The following KCND2 variants were observed in gnomAD, a reference collection of about 807,000 sequenced individuals.
The protein encoded by KCND2 is A-type voltage-gated potassium channel KCND2.
A neutral mutation model predicts 54.4 loss-of-function variants in KCND2; 16 were observed. The observed-to-expected ratio is 0.29, with a 90% CI of 0.20 to 0.45. KCND2 has a LOEUF of 0.45. Ranked by LOEUF, KCND2 falls within the 20% of genes least tolerant of loss-of-function variation. The pLI is 1.00. For missense variants in KCND2, 486 were observed against 824.2 expected, an observed-to-expected ratio of 0.59 and a Z score of 5.02; for synonymous variants, 317 against 310.7, an observed-to-expected ratio of 1.02 and a Z score of -0.21.
intron 1 of KCND2, among the ~76,000 whole-genome samples, chr7:120,388,884 A>G (rs972779380): frequency 1.3e-5 from 1 of 76,276 alleles, no homozygotes; most frequent in African/African-American, 3.0e-5. Context: ...TCATTTATAT[A>G]TACATGTATA....
intron 1 of KCND2, among the ~76,000 whole-genome samples, chr7:120,678,590 CACAT>C (rs1263403596): frequency 1.4e-5 from 2 of 147,280 alleles, no homozygotes; most frequent in African/African-American, 4.9e-5. Flanking sequence ...GTTCATTACA[CACAT>C]ATATATACAC....
chr7:120,694,201 T>A (rs73423784), intron 1 of KCND2, among the ~76,000 whole-genome samples: 13,530 of 152,254 alleles, frequency 0.089, 792 homozygotes, highest in African/African-American at 0.14. Context: ...ATTGTCTTCA[T>A]TTCCCAGAAT....
intron 1 of KCND2, among the ~76,000 whole-genome samples, chr7:120,292,907 C>G (rs751847929): frequency 1.9e-4 from 29 of 151,842 alleles, no homozygotes; most frequent in Admixed American, 8.6e-4. Context: ...AATTTCAAGT[C>G]CTCTGAAGCT....
At chr7:120,704,595 T>C (rs1325068246) in intron 1 of KCND2, among the ~76,000 whole-genome samples, 1 of 152,180 alleles carries the variant, frequency 6.6e-6, no homozygotes, top group East Asian at 1.9e-4. Flanking sequence ...GCTATAATCA[T>C]TTGCAGATAG....
At chr7:120,641,402 C>T (rs1029159334) in intron 1 of KCND2, among the ~76,000 whole-genome samples, 1 of 152,156 alleles carries the variant, frequency 6.6e-6, no homozygotes, top group African/African-American at 2.4e-5. Context: ...GCCAAGCCTT[C>T]CCCTCCCCGG....
intron 1 of KCND2, among the ~76,000 whole-genome samples, chr7:120,478,915 C>T (rs1040792884): frequency 2.0e-5 from 3 of 151,980 alleles, no homozygotes; most frequent in African/African-American, 7.2e-5. Flanking sequence ...TAACATTTTC[C>T]CTTGATTATG....
At chr7:120,633,211 A>C (rs1194087454) in intron 1 of KCND2, among the ~76,000 whole-genome samples, 1 of 152,198 alleles carries the variant, frequency 6.6e-6, no homozygotes, top group Admixed American at 6.5e-5. Context: ...TGCTTTTGTA[A>C]CCAATTGCTC....
At chr7:120,346,705 C>T (rs957640161) in intron 1 of KCND2, among the ~76,000 whole-genome samples, 1 of 151,564 alleles carries the variant, frequency 6.6e-6, no homozygotes, top group Non-Finnish European at 1.5e-5. Flanking sequence ...CTCTCTTTCT[C>T]CTCTTCTCTC....
At chr7:120,407,719 A>T (rs1370373036) in intron 1 of KCND2, among the ~76,000 whole-genome samples, 1 of 150,420 alleles carries the variant, frequency 6.6e-6, no homozygotes, top group Non-Finnish European at 1.5e-5. Context: ...ATAATATAAA[A>T]ATATAATAAT....
chr7:120,690,729 A>G (rs1209264632), intron 1 of KCND2, among the ~76,000 whole-genome samples: 1 of 152,224 alleles, frequency 6.6e-6, no homozygotes, highest in Non-Finnish European at 1.5e-5. Flanking sequence ...GACCACTTCC[A>G]TGTGCTAAGC....
chr7:120,511,338 A>G (rs756440178), intron 1 of KCND2, among the ~76,000 whole-genome samples: 10 of 151,988 alleles, frequency 6.6e-5, no homozygotes, highest in Non-Finnish European at 1.0e-4. Context: ...TCTACATTAA[A>G]TTGCTCATTT....
intron 1 of KCND2, among the ~76,000 whole-genome samples, chr7:120,343,324 A>G (rs1468525489): frequency 6.6e-6 from 1 of 152,124 alleles, no homozygotes; most frequent in Non-Finnish European, 1.5e-5. Flanking sequence ...ATCAGAAGTT[A>G]TATATGGACT....
Position 120,531,604 on chromosome 7 carries a change from AT to A in KCND2, c.1116-201294del, listed in dbSNP as rs199919896. 5.9e-5 allele frequency among the ~76,000 whole-genome samples: 9 copies of A among 152,050 alleles called. No individual in the cohort carries two copies. The East Asian group carries it at 1.7e-3, about 29-fold the overall frequency. ...TGTTTCTATTACCTTGTTTCTCGAT[AT>A]TTTTACCATCAGGCTTTGAAGCCCA... On this transcript the variant is annotated intron_variant, in intron 1 of 5. Transcript: ENST00000331113.
chr7:120,606,983 T>C (rs936599505), intron 1 of KCND2, among the ~76,000 whole-genome samples: 1 of 152,132 alleles, frequency 6.6e-6, no homozygotes, highest in Non-Finnish European at 1.5e-5. Context: ...AATCTGTAGA[T>C]TATTGTATCT....
At chr7:120,496,274 A>G (rs1029310621) in intron 1 of KCND2, among the ~76,000 whole-genome samples, 3 of 151,896 alleles carry the variant, frequency 2.0e-5, no homozygotes, top group African/African-American at 7.3e-5. Context: ...ACCTCTCTCT[A>G]TACTCTTTTT....
At chr7:120,430,307 T>A (rs1480450080) in intron 1 of KCND2, among the ~76,000 whole-genome samples, 1 of 152,098 alleles carries the variant, frequency 6.6e-6, no homozygotes, top group Non-Finnish European at 1.5e-5. Context: ...CCAGTTCTAC[T>A]CTAGAGCGCA....
chr7:120,699,176 G>A (rs1792369511), intron 1 of KCND2, among the ~76,000 whole-genome samples: 1 of 151,984 alleles, frequency 6.6e-6, no homozygotes, highest in East Asian at 1.9e-4. Flanking sequence ...CAGCTACTTG[G>A]GAGGCTGAGG....
At position 120,505,786 on chromosome 7, in the gene KCND2, G is replaced by T. The variant is rs530819321; in HGVS notation, c.1116-227117G>T. On this transcript the variant is annotated intron_variant, in intron 1 of 5. Coordinates refer to ENST00000331113, the MANE Select transcript of KCND2 (RefSeq NM_012281.3). ...ATAAGAAAAAAGTACTATTAGAGAA[G>T]AGTAGGGTCATAAGGCCTGACCTGC... Among the ~76,000 whole-genome samples, 516 of 151,858 alleles carry T rather than the reference G, an allele frequency of 3.4e-3. 4 individuals are homozygous for T. The highest frequency in any genetic ancestry group is 0.012 in the African/African-American group (499 of 41,496).
intron 1 of KCND2, among the ~76,000 whole-genome samples, chr7:120,512,449 T>C (rs1803130656): frequency 6.6e-6 from 1 of 152,022 alleles, no homozygotes; most frequent in Non-Finnish European, 1.5e-5. Context: ...GCTATTGGAC[T>C]ACATTAGCAT....
Sources: gnomAD v4.1 joint callset for allele counts (sites outside exome capture counted in the v4.1 genomes callset) on GRCh38, gnomAD v4.1.1 for gene constraint, MANE v1.5 for transcripts, NCBI Gene and HGNC (gene_info 2026-07-23, HGNC 2026-07-21) for gene names.